Variants in CLK1 observed in about 807,000 individuals in gnomAD.
CLK1 encodes the protein CDC like kinase 1.
In CLK1, 40 loss-of-function variants were observed where a neutral mutation model predicts 60.9. That is an observed-to-expected ratio of 0.66 (90% CI 0.51 to 0.86). CLK1 has a LOEUF of 0.86. Among genes scored for constraint, CLK1 ranks in the 40% least tolerant of loss-of-function variants. CLK1 has a pLI of 0.00. For missense variants in CLK1, 563 were observed against 606.1 expected, an observed-to-expected ratio of 0.93 and a Z score of 0.75; for synonymous variants, 203 against 184.4, an observed-to-expected ratio of 1.10 and a Z score of -0.82.
intron 1 of CLK1, chr2:200,864,300 C>T: frequency 6.8e-7 from 1 of 1,469,956 alleles, no homozygotes; most frequent in Non-Finnish European, 9.0e-7. Context: ...GCCGCTTCCT[C>T]AGCGGAGGGC....
At chr2:200,864,245 C>T (rs2039192001) in intron 1 of CLK1, 10 of 1,533,234 alleles carry the variant, frequency 6.5e-6, no homozygotes, top group Non-Finnish European at 7.9e-6. Context: ...TCCGCCGAGG[C>T]GGTTCACAAC....
chr2:200,860,284 G>A (rs2039116254), intron 3 of CLK1, 69 bp from the exon 4 acceptor site: 1 of 1,600,612 alleles, frequency 6.2e-7, no homozygotes, highest in Admixed American at 1.7e-5. Context: ...ATTCAGGGCA[G>A]AATACGAAAT....
rs1559328217 is a variant in CLK1 at position 200,860,219 on chromosome 2, G to C, written c.391-4C>G. On this transcript the variant is annotated splice_region_variant and splice_polypyrimidine_tract_variant and intron_variant, in intron 3 of 12. Coordinates refer to ENST00000321356, the MANE Select transcript of CLK1 (RefSeq NM_004071.4). ...TTCTTTTCCTTCGGTGACTCTTCTG[G>C]AAACGTCAAGTGGGCGGCACCAAGA... 6.2e-7 allele frequency: 1 copy of C among 1,613,734 alleles called. No homozygotes were observed. The highest frequency in any genetic ancestry group is 8.5e-7 in the Non-Finnish European group (1 of 1,179,922).
At chr2:200,856,339 G>C (rs188981160) in intron 9 of CLK1, among the ~76,000 whole-genome samples, 1 of 151,564 alleles carries the variant, frequency 6.6e-6, no homozygotes, top group Non-Finnish European at 1.5e-5. Flanking sequence ...CAAAGTGCTG[G>C]GATTACAGAT....
At chr2:200,863,133 C>A (rs973620441) in intron 1 of CLK1, 1 of 149,298 alleles carries the variant, frequency 6.7e-6, no homozygotes, top group Non-Finnish European at 1.5e-5. Context: ...CTGTGTCTTC[C>A]GCTACAATTC....
intron 5 of CLK1, among the ~76,000 whole-genome samples, chr2:200,859,168 C>T (rs1441314912): frequency 2.0e-5 from 3 of 151,658 alleles, no homozygotes; most frequent in Admixed American, 6.6e-5. Flanking sequence ...GGTGACAGAG[C>T]GAGACTCTGT....
At chr2:200,857,665 A>G in intron 7 of CLK1, 53 bp downstream of exon 7, 3 of 1,444,732 alleles carry the variant, frequency 2.1e-6, no homozygotes, top group South Asian at 1.4e-5. Flanking sequence ...GCACATTTTG[A>G]TATGTGGAAT....
Position 200,853,295 on chromosome 2 carries a change from C to G in CLK1, c.*11G>C, listed in dbSNP as rs1212064740. On this transcript the variant is annotated 3_prime_UTR_variant, in exon 13 of 13. Coordinates refer to ENST00000321356, the MANE Select transcript of CLK1 (RefSeq NM_004071.4). Reference sequence around the variant, plus strand: ...GTAAGATCTCTTCGAGAGAGCTGTCCAATTACAGATCTATATACTTTTCTT... The same window carrying G: ...GTAAGATCTCTTCGAGAGAGCTGTCGAATTACAGATCTATATACTTTTCTT... The G allele has an allele frequency of 1.3e-6, 2 of 1,590,486 alleles. No homozygotes were observed. Among genetic ancestry groups the G allele is most frequent in the African/African-American group, 2.7e-5 (2 of 73,660 alleles).
At chr2:200,857,527 A>G (rs562112171) in intron 7 of CLK1, 191 bp downstream of exon 7, 2 of 489,014 alleles carry the variant, frequency 4.1e-6, no homozygotes, top group Non-Finnish European at 3.6e-6. Flanking sequence ...ACGTTGTTAT[A>G]TGGTGGATAT....
At chr2:200,862,250 C>T (rs2039151149) in intron 1 of CLK1, among the ~76,000 whole-genome samples, 1 of 152,174 alleles carries the variant, frequency 6.6e-6, no homozygotes, top group African/African-American at 2.4e-5. Context: ...CCATCATATC[C>T]CCAGTGACCT....
chr2:200,859,802 C>G, intron 4 of CLK1, 56 bp from the exon 5 acceptor site: 1 of 1,602,000 alleles, frequency 6.2e-7, no homozygotes, highest in Non-Finnish European at 8.5e-7. Flanking sequence ...ATGTACTTAT[C>G]ACAATAAATG....
intron 10 of CLK1, 142 bp downstream of exon 10, chr2:200,854,862 C>T (rs1294294718): frequency 1.3e-6 from 1 of 783,840 alleles, no homozygotes; most frequent in East Asian, 2.7e-5. Context: ...TTAAATAAAA[C>T]AATTATGAAA....
Position 200,855,083 on chromosome 2 carries a change from A to G in CLK1, c.1061T>C (p.Leu354Pro). 1.3e-6 allele frequency: 2 copies of G among 1,592,328 alleles called. No individual in the cohort carries two copies. The highest frequency in any genetic ancestry group is 1.7e-6 in the Non-Finnish European group (2 of 1,174,288). The change falls in exon 10 of 13, where the codon CTA becomes CCA. Residue 354 changes from leucine to proline, a missense_variant. Transcript: ENST00000321356. ...HYRAPEVILA[L>P]GWSQPCDVWS... ...GACATCACATGGTTGGGACCACCCT[A>G]GGGCTGCAAAGCAAAGCAAAATTTA...
At position 200,861,416 on chromosome 2, in the gene CLK1, C is replaced by T. The variant is rs780941506; in HGVS notation, c.212G>A (p.Arg71His). Residue 71 changes from arginine (R) to histidine (H), a missense_variant, in exon 3 of 13, where the codon CGC becomes CAC. Around this residue, in one of 3 missense-constraint regions of CLK1, gnomAD observed 198 missense variants for 179.2 expected, o/e 1.10. Transcript: ENST00000321356. ...GTCATTTCTGTACTCATCAATGTAG[C>T]GTCGACTATGATAATCTTTCTCATT... ...SINEKDYHSR[R>H]YIDEYRNDYT... 3 of 1,614,076 alleles carry T rather than the reference C, an allele frequency of 1.9e-6. No individual in the cohort carries two copies. Among genetic ancestry groups the T allele is most frequent in the Non-Finnish European group, 2.5e-6 (3 of 1,180,012 alleles).
chr2:200,857,063 T>G, intron 7 of CLK1, 78 bp from the exon 8 acceptor site: 1 of 1,133,380 alleles, frequency 8.8e-7, no homozygotes, highest in East Asian at 2.5e-5. Context: ...ACAGGCCGGG[T>G]GCAGTGGCTC....
At chr2:200,855,622 C>T (rs968841848) in intron 9 of CLK1, among the ~76,000 whole-genome samples, 5 of 44,828 alleles carry the variant, frequency 1.1e-4, no homozygotes, top group East Asian at 1.1e-3. Flanking sequence ...AAGACTCCGC[C>T]CCCCCCCCAA....
intron 9 of CLK1, among the ~76,000 whole-genome samples, chr2:200,856,291 C>T (rs2039041696): frequency 6.6e-6 from 1 of 151,978 alleles, no homozygotes. Context: ...AGGATGGTCT[C>T]GATTTCCTGA....
chr2:200,859,686 T>C lies in CLK1; in HGVS notation c.542A>G (p.His181Arg). The C allele has an allele frequency of 6.2e-7, 1 of 1,612,848 alleles. No individual in the cohort carries two copies. The highest frequency in any genetic ancestry group is 1.7e-4 in the Middle Eastern group (1 of 6,058). The change falls in exon 5 of 13, where the codon CAT (histidine) becomes CGT (arginine). Residue 181 changes from histidine (H) to arginine (R), a missense_variant. By Grantham distance (29) the His-to-Arg change is conservative. This residue lies in a region of CLK1 where 360 missense variants were observed against 407.0 expected (regional missense o/e 0.88). Coordinates refer to ENST00000321356, the MANE Select transcript of CLK1 (RefSeq NM_004071.4). ...AFGKVVECID[H>R]KAGGRHVAVK... Reference sequence around the variant, plus strand: ...CCCAACATGGGAAACTTACGCTTTATGATCGATGCACTCCACAACTTTTCC... The same window carrying C: ...CCCAACATGGGAAACTTACGCTTTACGATCGATGCACTCCACAACTTTTCC...
chr2:200,859,674 A>C lies in CLK1; in HGVS notation c.548+6T>G, dbSNP rs766159891. ...CCTAAAAGTAATCCCAACATGGGAAACTTACGCTTTATGATCGATGCACTC... is the reference window on the plus strand; with the variant it reads ...CCTAAAAGTAATCCCAACATGGGAACCTTACGCTTTATGATCGATGCACTC... On this transcript the variant is annotated splice_donor_region_variant and intron_variant, in intron 5 of 12. Transcript: ENST00000321356. 2 of 1,611,282 alleles carry C rather than the reference A, an allele frequency of 1.2e-6. No individual in the cohort carries two copies. The highest frequency in any genetic ancestry group is 3.4e-5 in the Admixed American group (2 of 59,450).
Sources: gnomAD v4.1 joint callset for allele counts (sites outside exome capture counted in the v4.1 genomes callset) on GRCh38, gnomAD v4.1.1 for gene constraint, gnomAD v4.1.1 regional missense constraint, MANE v1.5 for transcripts, NCBI Gene and HGNC (gene_info 2026-07-23, HGNC 2026-07-21) for gene names.